Variants in ULK3 observed in about 807,000 individuals in gnomAD.
The protein encoded by ULK3 is unc-51 like kinase 3.
A neutral mutation model predicts 69.4 loss-of-function variants in ULK3; 54 were observed. The observed-to-expected ratio is 0.78, with a 90% CI of 0.63 to 0.98. The LOEUF (loss-of-function observed/expected upper bound fraction) is 0.98. Ranked by LOEUF, ULK3 falls within the 50% of genes least tolerant of loss-of-function variation. The pLI is 0.00. For synonymous variants in ULK3, 240 were observed against 254.5 expected (o/e 0.94, Z 0.54); for missense variants, 558 against 627.7 (o/e 0.89, Z 1.19).
At chr15:74,841,997 T>C in intron 3 of ULK3, 78 bp downstream of exon 3, 4 of 1,601,402 alleles carry the variant, frequency 2.5e-6, no homozygotes, top group Non-Finnish European at 3.4e-6. Flanking sequence ...GCCAAGGCTC[T>C]AAGCCTGGGG....
At position 74,842,008 on chromosome 15, in the gene ULK3, G is replaced by T; in HGVS notation, c.364+67C>A. The T allele has an allele frequency of 6.2e-7, 1 of 1,606,428 alleles. No individual in the cohort carries two copies. Among genetic ancestry groups the T allele is most frequent in the South Asian group, 1.1e-5 (1 of 90,402 alleles). ...GCGTGCCAAGGCTCTAAGCCTGGGG[G>T]AGGGGTGGGATGGTGGGGGGCAGAG... On this transcript the variant is annotated intron_variant, in intron 3 of 15. Coordinates refer to ENST00000440863, the MANE Select transcript of ULK3 (RefSeq NM_001099436.4). The surrounding 1 kb of genome is among the most constrained non-coding windows in gnomAD (Gnocchi z 4.9).
rs1182336134 is a variant in ULK3, at chr15:74,836,245, G to C, written c.*983C>G. 6.6e-6 allele frequency: 1 copy of C among 152,218 alleles called. No individual in the cohort carries two copies. Among genetic ancestry groups the C allele is most frequent in the African/African-American group, 2.4e-5 (1 of 41,442 alleles). 9.4% of individuals were successfully genotyped at this position (152,218 alleles called of 1,614,324 possible). On this transcript the variant is annotated 3_prime_UTR_variant, in exon 16 of 16. Coordinates refer to ENST00000440863, the MANE Select transcript of ULK3 (RefSeq NM_001099436.4). The surrounding 1 kb of genome is among the most constrained non-coding windows in gnomAD (Gnocchi z 4.0). ...GAAGGGCTACAAATCACCAACACCC[G>C]CTGATTATTTAAAAGAAACTCTCAA...
chr15:74,837,406 G>A lies in ULK3; in HGVS notation c.1365C>T (p.Thr455=), dbSNP rs374607092. The change falls in exon 15 of 16, where the codon ACC becomes ACT. Residue 455 remains threonine, a synonymous_variant. Transcript: ENST00000440863. ...ATTCCGACAGTCCCTCTTTGTCCAG[G>A]GTGTCAGCTTCCCAGCGAGATTCCC... The part of the protein sequence containing the change: ...KMRESRWEAD[T]LDKEGLSESV... 5.0e-6 allele frequency: 8 copies of A among 1,612,838 alleles called. No homozygotes were observed. The highest frequency in any genetic ancestry group is 6.8e-6 in the Non-Finnish European group (8 of 1,179,552).
intron 6 of ULK3, among the ~76,000 whole-genome samples, chr15:74,839,992 T>G (rs2064186277): frequency 6.6e-6 from 1 of 152,146 alleles, no homozygotes; most frequent in Admixed American, 6.5e-5. Flanking sequence ...AGGCTGGGCC[T>G]GGCTCTGCTT....
At chr15:74,841,952 A>C in intron 3 of ULK3, 123 bp downstream of exon 3, 1 of 1,495,216 alleles carries the variant, frequency 6.7e-7, no homozygotes, top group Non-Finnish European at 9.1e-7. Context: ...AGGACCATAA[A>C]ATTTCAGGCT....
intron 15 of ULK3, 52 bp downstream of exon 15, chr15:74,837,317 C>T: frequency 1.2e-6 from 2 of 1,612,896 alleles, no homozygotes; most frequent in Non-Finnish European, 1.7e-6. Context: ...ACCCAGGGCC[C>T]CCAGCCCTCA....
Position 74,842,887 on chromosome 15 carries a change from C to A in ULK3, c.102+117G>T. On this transcript the variant is annotated intron_variant, in intron 1 of 15. Coordinates refer to ENST00000440863, the MANE Select transcript of ULK3 (RefSeq NM_001099436.4). The surrounding 1 kb of genome is among the most constrained non-coding windows in gnomAD (Gnocchi z 4.9). ...AACCTCCGCCGAGGGTCAGCTGGGG[C>A]GAGGCCGGCCTCCCGCCCCTAACTA... 1 of 1,343,484 alleles carries A rather than the reference C, an allele frequency of 7.4e-7. No individual in the cohort carries two copies. The highest frequency in any genetic ancestry group is 1.0e-6 in the Non-Finnish European group (1 of 997,836). The allele number at this position is 1,343,484 out of a possible 1,614,324, so 83.2% of individuals were successfully genotyped here. A position where few individuals can be genotyped will look rare whatever the true frequency, so the allele number is the denominator to read the frequency against.
intron 3 of ULK3, 96 bp downstream of exon 3, chr15:74,841,979 C>T (rs2064266961): frequency 6.4e-7 from 1 of 1,571,880 alleles, no homozygotes; most frequent in Admixed American, 1.7e-5. Context: ...GAGGCAGCTG[C>T]AATGCGTGCC....
At position 74,838,163 on chromosome 15, in the gene ULK3, G is replaced by A. The variant is rs796941074; in HGVS notation, c.1276C>T (p.Leu426Phe). ...AEPPGRRREL[L>F]HTEVQNLMAR... Reference sequence around the variant, plus strand: ...AGCTCAGTGGGCACCTCAGTGTGAAGCAGCTCCCGCCTCCGGCCCGGGGGC... The same window carrying A: ...AGCTCAGTGGGCACCTCAGTGTGAAACAGCTCCCGCCTCCGGCCCGGGGGC... The change falls in exon 13 of 16, where the codon CTT becomes TTT. Residue 426 changes from leucine (L) to phenylalanine (F), a missense_variant. Physicochemically the swap from Leu to Phe is conservative, Grantham distance 22. Transcript: ENST00000440863. 1 of 1,558,610 alleles carries A rather than the reference G, an allele frequency of 6.4e-7. No homozygotes were observed. Among genetic ancestry groups the A allele is most frequent in the Non-Finnish European group, 8.7e-7 (1 of 1,151,856 alleles).
rs748465026 is a variant in ULK3 at position 74,840,566 on chromosome 15, G to A, written c.545C>T (p.Pro182Leu). Residue 182 changes from proline to leucine, a missense_variant, in exon 5 of 16, where the codon CCC becomes CTC. Coordinates refer to ENST00000440863, the MANE Select transcript of ULK3 (RefSeq NM_001099436.4). ...VLRGSPLYMA[P>L]EMVCQRQYDA... is the part of the protein sequence containing the mutation. ...ATACTGCCGCTGGCACACCATCTCG[G>A]GGGCCATGTAGAGGGGGGAGCCACG... 5 of 1,610,682 alleles carry A rather than the reference G, an allele frequency of 3.1e-6. No homozygotes were observed. The highest frequency in any genetic ancestry group is 1.7e-5 in the Admixed American group (1 of 59,362).
At position 74,840,335 on chromosome 15, in the gene ULK3, G is replaced by A. The variant is rs1169810591; in HGVS notation, c.614-19C>T. On this transcript the variant is annotated intron_variant, in intron 5 of 15. Coordinates refer to ENST00000440863, the MANE Select transcript of ULK3 (RefSeq NM_001099436.4). ...AGGGCTTCTGTGGAAGGGAGGCAGA[G>A]CGGAGGCTGGGAGGGAATGGGTCAA... 6 of 1,602,294 alleles carry A rather than the reference G, an allele frequency of 3.7e-6. No homozygotes were observed. Among genetic ancestry groups the A allele is most frequent in the Non-Finnish European group, 5.1e-6 (6 of 1,174,832 alleles).
In ULK3 at chr15:74,838,949, C is replaced by T. The variant is rs184349726; in HGVS notation, c.999+61G>A. 3.9e-6 allele frequency: 6 copies of T among 1,553,978 alleles called. No individual in the cohort carries two copies. The Admixed American group carries it at 1.2e-4, about 30-fold the overall frequency. On this transcript the variant is annotated intron_variant, in intron 9 of 15. Coordinates refer to ENST00000440863, the MANE Select transcript of ULK3 (RefSeq NM_001099436.4). ...TCTAAGAGAGCCATTCCCCAGAGGC[C>T]CCCGAGATCTCCGGGCCTTACCCCC...
At chr15:74,837,327 ACC>A in intron 15 of ULK3, 40 bp downstream of exon 15, 1 of 1,612,674 alleles carries the variant, frequency 6.2e-7, no homozygotes, top group South Asian at 1.1e-5. Context: ...CCCAGCCCTC[ACC>A]CCTCCTTGGA....
intron 4 of ULK3, 94 bp from the exon 5 acceptor site, chr15:74,840,735 G>T: frequency 7.0e-7 from 1 of 1,434,714 alleles, no homozygotes; most frequent in Non-Finnish European, 9.2e-7. Flanking sequence ...CCACCCTCCA[G>T]ACCCGCCAGG....
At position 74,841,383 on chromosome 15, in the gene ULK3, C is replaced by T. The variant is rs755025059; in HGVS notation, c.469+22G>A. 14 of 1,604,686 alleles carry T rather than the reference C, an allele frequency of 8.7e-6. No individual in the cohort carries two copies. The African/African-American group carries it at 1.9e-4, about 21-fold the overall frequency. On this transcript the variant is annotated intron_variant, in intron 4 of 15. Coordinates refer to ENST00000440863, the MANE Select transcript of ULK3 (RefSeq NM_001099436.4). ...GGCCTCTGCACTCTCCAAACCTCATCCCTGCTGTTTCAGACACAGACCTGC... is the reference window on the plus strand; with the variant it reads ...GGCCTCTGCACTCTCCAAACCTCATTCCTGCTGTTTCAGACACAGACCTGC...
At chr15:74,838,526 A>C in intron 10 of ULK3, 22 bp from the exon 11 acceptor site, 1 of 1,567,984 alleles carries the variant, frequency 6.4e-7, no homozygotes, top group Non-Finnish European at 8.6e-7. Context: ...GGAAAGGCTC[A>C]GGGTGAGGGA....
rs921792792 is a variant in ULK3, at chr15:74,839,340, G to A, written c.886C>T (p.Gln296Ter). ...AAGGCAGCTGCTGAATCCCCCTCCT[G>A]GTCTTTCTTCACAGCCTGCACCACC... The part of the protein sequence containing the change: ...ALVVQAVKKD[Q>*]EGDSAAALSL... The change falls in exon 8 of 16, where the codon CAG becomes TAG. Residue 296 changes from glutamine (Q) to a stop codon, truncating the protein, a stop_gained. Transcript: ENST00000440863. LOFTEE classifies it high-confidence loss of function. 1.3e-6 allele frequency: 2 copies of A among 1,566,790 alleles called. No individual in the cohort carries two copies. Among genetic ancestry groups the A allele is most frequent in the Middle Eastern group, 1.7e-4 (1 of 5,994 alleles).
In ULK3 at chr15:74,840,129, C is replaced by T. The variant is rs574537448; in HGVS notation, c.696+105G>A. Reference sequence around the variant, plus strand: ...ACCTGCCCCTCCACCACAAAGGCAGCCTGGAGCCCATACTCCAGTCTCTGC... The same window carrying T: ...ACCTGCCCCTCCACCACAAAGGCAGTCTGGAGCCCATACTCCAGTCTCTGC... On this transcript the variant is annotated intron_variant, in intron 6 of 15. Coordinates refer to ENST00000440863, the MANE Select transcript of ULK3 (RefSeq NM_001099436.4). The T allele has an allele frequency of 1.2e-5, 17 of 1,374,614 alleles. No homozygotes were observed. The Admixed American group carries it at 2.2e-4, about 18-fold the overall frequency. 85.2% of individuals were successfully genotyped at this position (1,374,614 alleles called of 1,614,324 possible).
intron 3 of ULK3, among the ~76,000 whole-genome samples, 188 bp downstream of exon 3, chr15:74,841,887 C>T (rs2064263635): frequency 6.6e-6 from 1 of 152,214 alleles, no homozygotes; most frequent in Non-Finnish European, 1.5e-5. Flanking sequence ...AGAGGGGTTA[C>T]CCCCTCATCT....
Sources: gnomAD v4.1 joint callset for allele counts (sites outside exome capture counted in the v4.1 genomes callset) on GRCh38, gnomAD v4.1.1 for gene constraint, Gnocchi (gnomAD v3.1) non-coding constraint, MANE v1.5 for transcripts, NCBI Gene and HGNC (gene_info 2026-07-23, HGNC 2026-07-21) for gene names.